Variants in MON1A observed in about 807,000 individuals in gnomAD.
The protein encoded by MON1A is MON1 vesicular trafficking associated A.
A neutral mutation model predicts 44.6 loss-of-function variants in MON1A; 29 were observed. That is an observed-to-expected ratio of 0.65 (90% CI 0.48 to 0.89). The LOEUF is 0.89. Among genes scored for constraint, MON1A ranks in the 40% least tolerant of loss-of-function variants. The pLI, the probability that MON1A is intolerant of heterozygous loss-of-function variation, is 0.00. For synonymous variants in MON1A, 275 were observed against 316.4 expected (o/e 0.87, Z 1.39); for missense variants, 615 against 759.6 (o/e 0.81, Z 2.24).
chr3:49,912,603 ATC>A lies in MON1A; in HGVS notation c.128-594_128-593del, dbSNP rs372580184. ...CTGGAGCACTGCCCATACTCAATGA[ATC>A]TCTCTCTCTGGGAGAAAGCTCCCCT... On this transcript the variant is annotated intron_variant, in intron 2 of 5. Transcript: ENST00000296473. 62 of 177,684 alleles carry A rather than the reference ATC, an allele frequency of 3.5e-4. 1 individual carries two copies. In the East Asian group the frequency reaches 7.3e-3, roughly 21 times the overall value. The allele number at this position is 177,684 out of a possible 1,614,324, so 11.0% of individuals were successfully genotyped here.
At chr3:49,914,904 C>A (rs2082930440) in intron 1 of MON1A, among the ~76,000 whole-genome samples, 1 of 152,114 alleles carries the variant, frequency 6.6e-6, no homozygotes, top group African/African-American at 2.4e-5. Context: ...TGGTCTCAAA[C>A]TACTAGGCTC....
chr3:49,912,325 C>T, intron 2 of MON1A: 1 of 270,818 alleles, frequency 3.7e-6, no homozygotes, highest in Non-Finnish European at 6.9e-6. Flanking sequence ...TCCATCTGCT[C>T]TCAGATACTT....
In MON1A at chr3:49,911,246, A is replaced by G. The variant is rs531009087; in HGVS notation, c.613+280T>C. On this transcript the variant is annotated intron_variant, in intron 3 of 5. Coordinates refer to ENST00000296473, the MANE Select transcript of MON1A (RefSeq NM_032355.4). This position sits in a 1 kb window ranked among gnomAD's most constrained non-coding sequence, Gnocchi z 5.7. ...GATAGATAGATAGATAGATAGATAG[A>G]GTTTGTTGTTGTTGTTGTTGTTGCC... 9.9e-6 allele frequency among the ~76,000 whole-genome samples: 1 copy of G among 101,506 alleles called. No homozygotes were observed. Among genetic ancestry groups the G allele is most frequent in the East Asian group, 2.2e-4 (1 of 4,452 alleles). The allele number at this position is 101,506 out of a possible 152,430, so 66.6% of individuals were successfully genotyped here.
intron 2 of MON1A, 71 bp from the exon 3 acceptor site, chr3:49,912,082 C>T (rs1216766492): frequency 1.3e-5 from 20 of 1,507,670 alleles, no homozygotes; most frequent in African/African-American, 5.6e-5. Flanking sequence ...AGGTGCCTAA[C>T]GTGGTCACTC....
At chr3:49,926,817 C>T (rs1428184074) in intron 1 of MON1A, among the ~76,000 whole-genome samples, 5 of 149,220 alleles carry the variant, frequency 3.4e-5, no homozygotes, top group African/African-American at 9.9e-5. Context: ...CTCATTCTGT[C>T]GCCCAGGCTG....
intron 1 of MON1A, among the ~76,000 whole-genome samples, chr3:49,920,071 G>A (rs753864413): frequency 6.6e-6 from 1 of 152,172 alleles, no homozygotes; most frequent in African/African-American, 2.4e-5. Flanking sequence ...TGTCTCTGCC[G>A]TAGCCTCTCC....
At chr3:49,915,680 T>C (rs769050163) in intron 1 of MON1A, among the ~76,000 whole-genome samples, 2 of 152,236 alleles carry the variant, frequency 1.3e-5, no homozygotes, top group Non-Finnish European at 2.9e-5. Flanking sequence ...TAAATATCCT[T>C]TTGTACCTTT....
At chr3:49,912,674 C>T (rs1201716613) in intron 2 of MON1A, 6 of 223,160 alleles carry the variant, frequency 2.7e-5, no homozygotes, top group East Asian at 1.1e-4. Context: ...ACTATAATGG[C>T]GCCGCAGCCT....
intron 1 of MON1A, among the ~76,000 whole-genome samples, chr3:49,926,239 C>T (rs1022622834): frequency 1.4e-4 from 21 of 152,122 alleles, no homozygotes; most frequent in Non-Finnish European, 2.9e-4. Flanking sequence ...AGAACTTTGC[C>T]GTTGCTGAAC....
rs1409861904 is a variant in MON1A, at chr3:49,929,793, G to A, written c.-198C>T. ...CGCTCCCTCCCACCGCCCTCACCCG[G>A]CCGCCGGTGCAGGAAGATAGCTTTC... On this transcript the variant is annotated 5_prime_UTR_variant, in exon 1 of 6. Transcript: ENST00000296473. The A allele has an allele frequency of 1.1e-5, 17 of 1,547,890 alleles. No individual in the cohort carries two copies. Among genetic ancestry groups the A allele is most frequent in the Non-Finnish European group, 1.5e-5 (17 of 1,146,686 alleles).
In MON1A at chr3:49,910,363, G is replaced by A; in HGVS notation, c.1135C>T (p.His379Tyr). ...LPKFNAAGFF[H>Y]AHISYLEPDT... is the part of the protein sequence containing the mutation. Reference sequence around the variant, plus strand: ...GGCTCTAGGTAAGAGATGTGTGCGTGGAAGAAGCCGGCTGCGTTGAATTTG... The same window carrying A: ...GGCTCTAGGTAAGAGATGTGTGCGTAGAAGAAGCCGGCTGCGTTGAATTTG... Residue 379 changes from histidine to tyrosine, a missense_variant, in exon 4 of 6, where the codon CAC becomes TAC. His to Tyr is a moderately conservative substitution (Grantham distance 83). Coordinates refer to ENST00000296473, the MANE Select transcript of MON1A (RefSeq NM_032355.4). The surrounding 1 kb of genome is among the most constrained non-coding windows in gnomAD (Gnocchi z 8.0). The A allele has an allele frequency of 1.2e-6, 2 of 1,614,224 alleles. No individual in the cohort carries two copies. The highest frequency in any genetic ancestry group is 1.7e-6 in the Non-Finnish European group (2 of 1,180,046).
Position 49,929,680 on chromosome 3 carries a change from A to C in MON1A, c.-85T>G. The C allele has an allele frequency of 6.4e-7, 1 of 1,551,150 alleles. No individual in the cohort carries two copies. Among genetic ancestry groups the C allele is most frequent in the Non-Finnish European group, 8.7e-7 (1 of 1,146,898 alleles). On this transcript the variant is annotated 5_prime_UTR_variant, in exon 1 of 6. It introduces an in-frame stop codon into an upstream open reading frame of the 5' UTR. Coordinates refer to ENST00000296473, the MANE Select transcript of MON1A (RefSeq NM_032355.4). The stretch of plus-strand genomic sequence containing the variant: ...CCCTCTGCCGGACCCATGGAGGGGT[A>C]AGGGTGTCCGGCCGGGGCCGGCCTG...
chr3:49,919,715 C>T (rs1422908483), intron 1 of MON1A, among the ~76,000 whole-genome samples: 1 of 152,138 alleles, frequency 6.6e-6, no homozygotes. Flanking sequence ...ATCCTGACCT[C>T]AGGTGATCCG....
Position 49,909,996 on chromosome 3 carries a change from A to C in MON1A, c.1379+123T>G. Reference sequence around the variant, plus strand: ...TGCCAGAGTAAAACAGGCCCAGCACACTGGTCTGCTTCCAAAGGTAGGGAC... The same window carrying C: ...TGCCAGAGTAAAACAGGCCCAGCACCCTGGTCTGCTTCCAAAGGTAGGGAC... On this transcript the variant is annotated intron_variant, in intron 4 of 5. Coordinates refer to ENST00000296473, the MANE Select transcript of MON1A (RefSeq NM_032355.4). The surrounding 1 kb of genome is among the most constrained non-coding windows in gnomAD (Gnocchi z 4.0). 1 of 1,120,374 alleles carries C rather than the reference A, an allele frequency of 8.9e-7. No individual in the cohort carries two copies. Among genetic ancestry groups the C allele is most frequent in the Non-Finnish European group, 1.3e-6 (1 of 777,538 alleles). The allele number at this position is 1,120,374 out of a possible 1,614,324, so 69.4% of individuals were successfully genotyped here.
chr3:49,908,953 A>G lies in MON1A; in HGVS notation c.*61T>C. On this transcript the variant is annotated 3_prime_UTR_variant, in exon 6 of 6. Coordinates refer to ENST00000296473, the MANE Select transcript of MON1A (RefSeq NM_032355.4). ...GCAAGAGAGGCCAGCCCCCATCTGG[A>G]GGCTCCTATGGCTTCCCACACCTAG... 6.5e-7 allele frequency: 1 copy of G among 1,533,688 alleles called. No homozygotes were observed. Among genetic ancestry groups the G allele is most frequent in the East Asian group, 2.3e-5 (1 of 43,906 alleles).
chr3:49,917,769 G>A (rs765212702), intron 1 of MON1A, among the ~76,000 whole-genome samples: 14 of 151,794 alleles, frequency 9.2e-5, no homozygotes, highest in African/African-American at 1.9e-4. Context: ...CTTCCGGGGC[G>A]AGTGTGGTGG....
Position 49,911,248 on chromosome 3 carries a change from TTTG to T in MON1A, c.613+275_613+277del, listed in dbSNP as rs145310828. ...TAGATAGATAGATAGATAGATAGAGTTTGTTGTTGTTGTTGTTGTTGCCTCCCC... is the reference window on the plus strand; with the variant it reads ...TAGATAGATAGATAGATAGATAGAGTTTGTTGTTGTTGTTGTTGCCTCCCC... On this transcript the variant is annotated intron_variant, in intron 3 of 5. Coordinates refer to ENST00000296473, the MANE Select transcript of MON1A (RefSeq NM_032355.4). The surrounding 1 kb of genome is among the most constrained non-coding windows in gnomAD (Gnocchi z 5.7). Among the ~76,000 whole-genome samples the T allele has an allele frequency of 3.8e-4, 20 of 52,060 alleles. No individual in the cohort carries two copies. Among genetic ancestry groups the T allele is most frequent in the Admixed American group, 8.2e-4 (5 of 6,100 alleles). 34.2% of individuals were successfully genotyped at this position (52,060 alleles called of 152,430 possible).
chr3:49,917,405 C>T (rs998946405), intron 1 of MON1A, among the ~76,000 whole-genome samples: 1 of 152,156 alleles, frequency 6.6e-6, no homozygotes, highest in Non-Finnish European at 1.5e-5. Flanking sequence ...CCTGCCTCAG[C>T]ATCCCGAGTA....
intron 1 of MON1A, among the ~76,000 whole-genome samples, chr3:49,917,645 C>G (rs960258573): frequency 6.6e-6 from 1 of 152,148 alleles, no homozygotes; most frequent in Non-Finnish European, 1.5e-5. Context: ...CAACTTCACA[C>G]CTTTTCTCTC....
Sources: allele counts gnomAD v4.1 joint callset (sites outside exome capture counted in the v4.1 genomes callset), GRCh38; gene constraint gnomAD v4.1.1; non-coding constraint Gnocchi (gnomAD v3.1); transcripts MANE v1.5; gene names NCBI Gene and HGNC (gene_info 2026-07-23, HGNC 2026-07-21).